The following SPMAP2L variants were observed in gnomAD, a reference collection of about 807,000 sequenced individuals.
SPMAP2L encodes sperm microtubule associated protein 2-like.
chr4:56,624,788 A>G, the SPMAP2L span, among the ~76,000 whole-genome samples: 1 of 152,228 alleles, frequency 6.6e-6, no homozygotes, highest in Non-Finnish European at 1.5e-5. Context: ...TTGGATGTCC[A>G]GGCAAAAGTT....
chr4:56,575,558 C>T, the SPMAP2L span: 1 of 1,535,306 alleles, frequency 6.5e-7, no homozygotes, highest in Non-Finnish European at 8.7e-7. Context: ...GAGATCACTC[C>T]TCCTGCATTG....
the SPMAP2L span, among the ~76,000 whole-genome samples, chr4:56,599,127 G>A: frequency 6.6e-6 from 1 of 151,980 alleles, no homozygotes; most frequent in Admixed American, 6.6e-5. Context: ...TCATAGCAGT[G>A]TGAAAACAGA....
At chr4:56,534,664 C>T in the SPMAP2L span, among the ~76,000 whole-genome samples, 7 of 152,160 alleles carry the variant, frequency 4.6e-5, no homozygotes, top group East Asian at 1.9e-4. Context: ...CAGTGGCTTA[C>T]GCCTGTAATC....
the SPMAP2L span, among the ~76,000 whole-genome samples, chr4:56,589,784 A>G: frequency 6.6e-6 from 1 of 151,584 alleles, no homozygotes; most frequent in South Asian, 2.1e-4. Flanking sequence ...CAGCTATTGT[A>G]AAAATGGTGG....
the SPMAP2L span, among the ~76,000 whole-genome samples, chr4:56,558,184 T>G: frequency 6.6e-5 from 10 of 152,136 alleles, no homozygotes; most frequent in African/African-American, 2.4e-4. Flanking sequence ...GCCAGGCTGG[T>G]CTGGAACTCC....
the SPMAP2L span, among the ~76,000 whole-genome samples, chr4:56,608,960 G>C: frequency 6.6e-6 from 1 of 151,744 alleles, no homozygotes; most frequent in Non-Finnish European, 1.5e-5. Flanking sequence ...CTTGAGACCT[G>C]TTACTCTTTT....
At chr4:56,623,561 CA>C in the SPMAP2L span, among the ~76,000 whole-genome samples, 1 of 152,190 alleles carries the variant, frequency 6.6e-6, no homozygotes, top group Non-Finnish European at 1.5e-5. Context: ...ACTCAAATCT[CA>C]ACTTGAATTC....
the SPMAP2L span, among the ~76,000 whole-genome samples, chr4:56,624,991 G>A: frequency 1.3e-5 from 2 of 152,134 alleles, no homozygotes; most frequent in Non-Finnish European, 2.9e-5. Flanking sequence ...AAAAGCTGCA[G>A]ACATTCAATG....
At chr4:56,606,451 G>C in the SPMAP2L span, among the ~76,000 whole-genome samples, 1 of 152,164 alleles carries the variant, frequency 6.6e-6, no homozygotes, top group African/African-American at 2.4e-5. Flanking sequence ...CTTAAGCATA[G>C]TGAAGCAAGG....
the SPMAP2L span, among the ~76,000 whole-genome samples, chr4:56,621,315 C>T: frequency 0.066 from 10,029 of 152,150 alleles, 439 homozygotes; most frequent in Middle Eastern, 0.17. Context: ...TTTATTTATT[C>T]CTATGGAAAA....
At chr4:56,626,177 T>C in the SPMAP2L span, among the ~76,000 whole-genome samples, 2 of 152,190 alleles carry the variant, frequency 1.3e-5, no homozygotes, top group African/African-American at 4.8e-5. Flanking sequence ...TAGCCTCCCA[T>C]GGGTGACTGG....
chr4:56,560,887 A>AG, the SPMAP2L span, among the ~76,000 whole-genome samples: 1 of 152,066 alleles, frequency 6.6e-6, no homozygotes, highest in East Asian at 1.9e-4. Context: ...CTGGGATTAC[A>AG]GGTGTGAGCC....
the SPMAP2L span, chr4:56,594,062 G>A: frequency 6.2e-7 from 1 of 1,610,540 alleles, no homozygotes; most frequent in Non-Finnish European, 8.5e-7. Flanking sequence ...TGGCACACTT[G>A]GTATTTCTCT....
chr4:56,626,157 GA>G, the SPMAP2L span, among the ~76,000 whole-genome samples: 2 of 152,220 alleles, frequency 1.3e-5, no homozygotes, highest in Admixed American at 6.5e-5. Flanking sequence ...ATAAGGAAAA[GA>G]AAAGGCCATA....
the SPMAP2L span, among the ~76,000 whole-genome samples, chr4:56,602,972 TC>T: frequency 2.0e-5 from 3 of 152,220 alleles, no homozygotes; most frequent in African/African-American, 7.2e-5. Context: ...GAATTTACTT[TC>T]TGGGGAAAGA....
the SPMAP2L span, among the ~76,000 whole-genome samples, chr4:56,568,774 C>A: frequency 2.0e-4 from 30 of 152,314 alleles, no homozygotes; most frequent in African/African-American, 7.0e-4. Context: ...TTTGTCTTCC[C>A]TAAAAGAAAC....
the SPMAP2L span, among the ~76,000 whole-genome samples, chr4:56,538,063 G>A: frequency 6.6e-6 from 1 of 152,112 alleles, no homozygotes; most frequent in South Asian, 2.1e-4. Context: ...CAGCCCTATG[G>A]CTACCGCAGC....
chr4:56,596,491 C>A, the SPMAP2L span: 1 of 1,504,370 alleles, frequency 6.6e-7, no homozygotes. Flanking sequence ...TTTTATTTTT[C>A]TCCCCTAGAT....
the SPMAP2L span, among the ~76,000 whole-genome samples, chr4:56,615,551 G>A: frequency 6.6e-5 from 10 of 152,068 alleles, no homozygotes; most frequent in East Asian, 1.2e-3. Context: ...GTTCAAGACC[G>A]GCCTGGTCAA....
Sources: gnomAD v4.1 joint callset for allele counts (sites outside exome capture counted in the v4.1 genomes callset) on GRCh38, gnomAD v4.1.1 for gene constraint, MANE v1.5 for transcripts, NCBI Gene and HGNC (gene_info 2026-07-23, HGNC 2026-07-21) for gene names.